The following PCLO variants were observed in gnomAD, a reference collection of about 807,000 sequenced individuals.
PCLO encodes protein piccolo.
In PCLO, 82 loss-of-function variants were observed where a neutral mutation model predicts 427.5. That is an observed-to-expected ratio of 0.19 (90% CI 0.16 to 0.23). The LOEUF is 0.23. PCLO is among the 10% of genes least tolerant of loss of function. PCLO has a pLI of 1.00. For missense variants in PCLO, 6,239 were observed against 6,115.9 expected (o/e 1.02, Z -0.67); for synonymous variants, 2,357 against 2,155.4 (o/e 1.09, Z -2.59).
intron 3 of PCLO, among the ~76,000 whole-genome samples, chr7:83,057,424 C>T (rs1327867270): frequency 8.0e-6 from 1 of 124,398 alleles, no homozygotes; most frequent in Non-Finnish European, 1.6e-5. Flanking sequence ...TGCAGTGGCG[C>T]AATCTCGGCT....
chr7:83,088,737 C>G (rs1194698154), intron 3 of PCLO, among the ~76,000 whole-genome samples: 1 of 152,112 alleles, frequency 6.6e-6, no homozygotes, highest in African/African-American at 2.4e-5. Flanking sequence ...GAATACCTCT[C>G]AGGTCTTTTT....
chr7:82,846,633 C>T lies in PCLO; in HGVS notation c.13765G>A (p.Asp4589Asn). The T allele has an allele frequency of 6.3e-7, 1 of 1,592,464 alleles. No individual in the cohort carries two copies. Among genetic ancestry groups the T allele is most frequent in the South Asian group, 1.1e-5 (1 of 87,960 alleles). Residue 4589 changes from aspartate to asparagine, a missense_variant and splice_region_variant, in exon 12 of 25, where the codon GAC becomes AAC. Asp to Asn is a conservative substitution (Grantham distance 23). Transcript: ENST00000333891. ...TCAGAATCTGATAGCATATTGAGGT[C>T]CCTAAAAATTAAAACAAAACATTAA... Reference protein sequence around the residue: ...SGEAEICVRLDLNMLSDSENS... With the variant: ...SGEAEICVRLNLNMLSDSENS...
intron 9 of PCLO, among the ~76,000 whole-genome samples, chr7:82,887,289 C>T (rs1407963131): frequency 6.6e-6 from 1 of 152,132 alleles, no homozygotes; most frequent in Non-Finnish European, 1.5e-5. Flanking sequence ...GTTCTTCCTA[C>T]CTTTGATCAT....
At chr7:82,769,659 GA>G (rs767223468) in intron 22 of PCLO, among the ~76,000 whole-genome samples, 116 of 152,190 alleles carry the variant, frequency 7.6e-4, no homozygotes, top group Non-Finnish European at 1.3e-3. Flanking sequence ...CCTTGTAAAC[GA>G]AAAGTCTGCG....
chr7:82,793,006 C>CTTTT (rs367844233), intron 22 of PCLO, among the ~76,000 whole-genome samples: 152 of 147,434 alleles, frequency 1.0e-3, no homozygotes, highest in African/African-American at 3.5e-3. Context: ...TTATTAATTG[C>CTTTT]TTTTTTTTTT....
chr7:82,803,338 T>C (rs1791397507), intron 21 of PCLO, among the ~76,000 whole-genome samples: 1 of 152,116 alleles, frequency 6.6e-6, no homozygotes, highest in Non-Finnish European at 1.5e-5. Flanking sequence ...AAAATAAATA[T>C]TCTTATACTA....
At chr7:83,146,461 A>C (rs555867096) in intron 2 of PCLO, among the ~76,000 whole-genome samples, 1 of 152,348 alleles carries the variant, frequency 6.6e-6, no homozygotes, top group African/African-American at 2.4e-5. Flanking sequence ...AGATTAAGAT[A>C]CCAAGAGAAT....
At chr7:83,124,210 G>A (rs1020667271) in intron 3 of PCLO, among the ~76,000 whole-genome samples, 18 of 151,548 alleles carry the variant, frequency 1.2e-4, no homozygotes, top group East Asian at 1.2e-3. Context: ...CCAGCTACTC[G>A]GAAGGCTGAG....
intron 3 of PCLO, among the ~76,000 whole-genome samples, chr7:83,085,321 T>C (rs1790203450): frequency 6.6e-6 from 1 of 152,204 alleles, no homozygotes; most frequent in Non-Finnish European, 1.5e-5. Context: ...ACTGTTGTGC[T>C]AAAACCATTA....
chr7:83,131,655 T>C (rs965799282), intron 3 of PCLO, among the ~76,000 whole-genome samples: 9 of 152,108 alleles, frequency 5.9e-5, no homozygotes, highest in Non-Finnish European at 8.8e-5. Context: ...TATTTGGACT[T>C]CAGGCCTAAA....
chr7:82,839,109 T>C (rs564527521), intron 14 of PCLO, among the ~76,000 whole-genome samples: 1 of 152,160 alleles, frequency 6.6e-6, no homozygotes, highest in Non-Finnish European at 1.5e-5. Flanking sequence ...ATTGAAAGAC[T>C]CTTTTGGCAT....
intron 7 of PCLO, among the ~76,000 whole-genome samples, chr7:82,914,058 A>T (rs563611526): frequency 6.6e-6 from 1 of 152,216 alleles, no homozygotes; most frequent in African/African-American, 2.4e-5. Context: ...GCAAAATTAC[A>T]AATTTGTAAA....
intron 22 of PCLO, among the ~76,000 whole-genome samples, chr7:82,773,001 G>T (rs529198310): frequency 6.6e-5 from 10 of 152,170 alleles, no homozygotes; most frequent in African/African-American, 2.4e-4. Context: ...TAGGAGAGCT[G>T]GTATGATAGA....
At chr7:82,910,841 A>T (rs1794304185) in intron 7 of PCLO, among the ~76,000 whole-genome samples, 1 of 152,154 alleles carries the variant, frequency 6.6e-6, no homozygotes, top group East Asian at 1.9e-4. Flanking sequence ...AGGAAATACA[A>T]AACAAATTCA....
intron 10 of PCLO, among the ~76,000 whole-genome samples, chr7:82,870,901 C>A (rs1286220469): frequency 6.6e-6 from 1 of 151,948 alleles, no homozygotes; most frequent in African/African-American, 2.4e-5. Context: ...GATTTCACCT[C>A]ACCCCATTAA....
intron 21 of PCLO, among the ~76,000 whole-genome samples, chr7:82,805,351 CCAGTAAT>C (rs1791435923): frequency 6.6e-6 from 1 of 152,086 alleles, no homozygotes; most frequent in African/African-American, 2.4e-5. Flanking sequence ...GTCTCAAATA[CCAGTAAT>C]GTTTGTATTT....
At chr7:82,988,826 ATTTTT>A (rs1301780855) in intron 3 of PCLO, among the ~76,000 whole-genome samples, 2 of 150,174 alleles carry the variant, frequency 1.3e-5, no homozygotes, top group African/African-American at 4.9e-5. Context: ...TTTATTTTTT[ATTTTT>A]TTATTTTATT....
Position 82,824,924 on chromosome 7 carries a change from G to T in PCLO, c.14416-508C>A, listed in dbSNP as rs551494148. Among the ~76,000 whole-genome samples, 89 of 152,044 alleles carry T rather than the reference G, an allele frequency of 5.9e-4. No individual in the cohort carries two copies. The South Asian group carries it at 8.7e-3, about 15-fold the overall frequency. On this transcript the variant is annotated intron_variant, in intron 18 of 24. Transcript: ENST00000333891. ...AGATCACACCACTGCACTCCAGCCT[G>T]GGCGACAGAGCAAGATTCTGTCTCA...
At chr7:82,832,652 G>A (rs1255674964) in intron 16 of PCLO, among the ~76,000 whole-genome samples, 1 of 151,956 alleles carries the variant, frequency 6.6e-6, no homozygotes, top group Non-Finnish European at 1.5e-5. Context: ...CAGTTTCCAT[G>A]TACATATTTT....
Sources: gnomAD v4.1 joint callset for allele counts (sites outside exome capture counted in the v4.1 genomes callset) on GRCh38, gnomAD v4.1.1 for gene constraint, MANE v1.5 for transcripts, NCBI Gene and HGNC (gene_info 2026-07-23, HGNC 2026-07-21) for gene names.